The following BLVRA variants were observed in gnomAD, a reference collection of about 807,000 sequenced individuals.
The protein encoded by BLVRA is BVR A.
In BLVRA, 22 loss-of-function variants were observed where a neutral mutation model predicts 32.8. The observed-to-expected ratio is 0.67, with a 90% CI of 0.48 to 0.96. BLVRA has a LOEUF of 0.96. BLVRA is among the 40% of genes least tolerant of loss of function. The pLI is 0.00. For synonymous variants in BLVRA, 119 were observed against 141.3 expected, an observed-to-expected ratio of 0.84 and a Z score of 1.12; for missense variants, 323 against 358.1, an observed-to-expected ratio of 0.90 and a Z score of 0.79.
intron 1 of BLVRA, among the ~76,000 whole-genome samples, chr7:43,762,403 C>T (rs2095743292): frequency 6.6e-6 from 1 of 151,596 alleles, no homozygotes; most frequent in Non-Finnish European, 1.5e-5. Flanking sequence ...TGACAAAGCT[C>T]TGGAGTTTCA....
intron 7 of BLVRA, among the ~76,000 whole-genome samples, chr7:43,806,345 C>T (rs2730625): frequency 0.81 from 123,251 of 152,276 alleles, 50,077 homozygotes; most frequent in African/African-American, 0.88. Flanking sequence ...AGGCAGACTA[C>T]GTAGAATACC....
intron 5 of BLVRA, among the ~76,000 whole-genome samples, chr7:43,798,700 G>A (rs542681692): frequency 6.6e-6 from 1 of 152,238 alleles, no homozygotes; most frequent in South Asian, 2.1e-4. Context: ...GGCTAATAAC[G>A]TTTTGATGGC....
chr7:43,800,254 C>G (rs1280942810), intron 5 of BLVRA, among the ~76,000 whole-genome samples: 1 of 152,222 alleles, frequency 6.6e-6, no homozygotes, highest in Non-Finnish European at 1.5e-5. Flanking sequence ...CCATGCCTGG[C>G]CTTCATTTCA....
At chr7:43,789,514 C>A (rs982390940) in intron 3 of BLVRA, among the ~76,000 whole-genome samples, 10 of 151,096 alleles carry the variant, frequency 6.6e-5, no homozygotes, top group African/African-American at 2.2e-4. Flanking sequence ...CACCGTAACC[C>A]CCATCGCACC....
chr7:43,780,656 A>C (rs191456661), intron 2 of BLVRA, among the ~76,000 whole-genome samples: 136 of 152,234 alleles, frequency 8.9e-4, no homozygotes, highest in Admixed American at 1.8e-3. Flanking sequence ...GACGGTCCAC[A>C]CACCCAGTTC....
intron 2 of BLVRA, among the ~76,000 whole-genome samples, chr7:43,786,083 CAG>C (rs1386048808): frequency 6.6e-6 from 1 of 152,042 alleles, no homozygotes; most frequent in Non-Finnish European, 1.5e-5. Flanking sequence ...AACTAAAAGG[CAG>C]AGATTGTTAG....
chr7:43,760,615 C>G (rs918442357), intron 1 of BLVRA, among the ~76,000 whole-genome samples: 17 of 152,050 alleles, frequency 1.1e-4, no homozygotes, highest in Admixed American at 9.8e-4. Context: ...TTGAAAAAGA[C>G]ATTGCATTAC....
At chr7:43,767,384 T>C (rs2095749408) in intron 1 of BLVRA, 1 of 1,601,404 alleles carries the variant, frequency 6.2e-7, no homozygotes, top group African/African-American at 1.3e-5. Flanking sequence ...ACGCTCCTGT[T>C]CTTCACAGCT....
chr7:43,767,632 A>AT, intron 1 of BLVRA: 2 of 801,398 alleles, frequency 2.5e-6, no homozygotes, highest in Non-Finnish European at 4.2e-6. Flanking sequence ...CATTAAATTC[A>AT]TTTTTTAAAA....
At chr7:43,767,655 GA>G in intron 1 of BLVRA, 1 of 692,450 alleles carries the variant, frequency 1.4e-6, no homozygotes, top group Non-Finnish European at 2.5e-6. Flanking sequence ...ATAAATGCTG[GA>G]GGGGGGACAT....
Position 43,800,509 on chromosome 7 carries a change from T to A in BLVRA, c.397T>A (p.Phe133Ile), listed in dbSNP as rs1171192388. ...EEHVELLMEE[F>I]AFLKKEVVGK... ...GCATGTTGAACTCTTGATGGAGGAA[T>A]TCGCTTTCCTGAAAAAAGAAGTGGT... is the stretch of plus-strand genomic sequence containing the variant. Residue 133 changes from phenylalanine (F) to isoleucine (I), a missense_variant, in exon 6 of 8, where the codon TTC becomes ATC. Transcript: ENST00000265523. 2 of 1,613,998 alleles carry A rather than the reference T, an allele frequency of 1.2e-6. No homozygotes were observed. Among genetic ancestry groups the A allele is most frequent in the Non-Finnish European group, 1.7e-6 (2 of 1,179,962 alleles).
intron 5 of BLVRA, among the ~76,000 whole-genome samples, chr7:43,798,148 C>T (rs1011384543): frequency 1.2e-4 from 17 of 136,290 alleles, no homozygotes; most frequent in Non-Finnish European, 1.4e-4. Flanking sequence ...GAGACGAGAT[C>T]GCACCACTAT....
rs970228153 is a variant in BLVRA at position 43,787,042 on chromosome 7, C to T, written c.13-862C>T. Among the ~76,000 whole-genome samples the T allele has an allele frequency of 6.6e-6, 1 of 152,224 alleles. No homozygotes were observed. The highest frequency in any genetic ancestry group is 2.1e-4 in the South Asian group (1 of 4,822). On this transcript the variant is annotated intron_variant, in intron 2 of 7. Transcript: ENST00000265523. The surrounding 1 kb of genome is among the most constrained non-coding windows in gnomAD (Gnocchi z 4.5). ...GGTTCAAGCAATTCTCCTGCCTCGG[C>T]CTCCTAAGTAGCTGGGATTACAGGC... is the stretch of plus-strand genomic sequence containing the variant.
intron 6 of BLVRA, among the ~76,000 whole-genome samples, chr7:43,802,999 G>T (rs1225942815): frequency 1.3e-5 from 2 of 152,220 alleles, no homozygotes; most frequent in African/African-American, 4.8e-5. Context: ...CTCCCAAAGT[G>T]CTGGGACTAC....
In BLVRA at chr7:43,792,661, T is replaced by C. The variant is rs576829111; in HGVS notation, c.255-54T>C. On this transcript the variant is annotated intron_variant, in intron 4 of 7. Coordinates refer to ENST00000265523, the MANE Select transcript of BLVRA (RefSeq NM_000712.4). ...TCTGTTCTCTATTATGCAGAGCATT[T>C]CAGTGAAGCTTATTCGAAGTGTTCT... The C allele has an allele frequency of 1.0e-5, 15 of 1,489,398 alleles. 1 individual carries two copies. The South Asian group carries it at 1.5e-4, about 15-fold the overall frequency. 92.3% of individuals were successfully genotyped at this position (1,489,398 alleles called of 1,614,324 possible). A position where few individuals can be genotyped will look rare whatever the true frequency, so the allele number is the denominator to read the frequency against.
chr7:43,773,836 T>C (rs527934229), intron 2 of BLVRA, among the ~76,000 whole-genome samples: 4 of 152,350 alleles, frequency 2.6e-5, no homozygotes, highest in African/African-American at 9.6e-5. Flanking sequence ...CCATTCTAAC[T>C]GGTGTGAGAT....
At chr7:43,791,736 A>T in intron 4 of BLVRA, 1 of 241,648 alleles carries the variant, frequency 4.1e-6, no homozygotes, top group Non-Finnish European at 8.4e-6. Context: ...AAATTATCAT[A>T]CTCCCTTCTC....
chr7:43,795,236 A>G (rs994072505), intron 5 of BLVRA, among the ~76,000 whole-genome samples: 8 of 151,536 alleles, frequency 5.3e-5, no homozygotes, highest in Admixed American at 4.0e-4. Context: ...ACATAAATAA[A>G]TAATAAAAAT....
At chr7:43,797,225 T>A (rs971255618) in intron 5 of BLVRA, among the ~76,000 whole-genome samples, 5 of 152,206 alleles carry the variant, frequency 3.3e-5, no homozygotes, top group Admixed American at 2.0e-4. Context: ...GTAACTGGGA[T>A]TATAGGTGCA....
Sources: gnomAD v4.1 joint callset for allele counts (sites outside exome capture counted in the v4.1 genomes callset) on GRCh38, gnomAD v4.1.1 for gene constraint, Gnocchi (gnomAD v3.1) non-coding constraint, MANE v1.5 for transcripts, NCBI Gene and HGNC (gene_info 2026-07-23, HGNC 2026-07-21) for gene names.